Variants in GALNT10 observed in about 807,000 individuals in gnomAD.
The protein encoded by GALNT10 is polypeptide N-acetylgalactosaminyltransferase 10, also known as GalNAc transferase 10.
In GALNT10, 41 loss-of-function variants were observed where a neutral mutation model predicts 75.0. That is an observed-to-expected ratio of 0.55 (90% CI 0.43 to 0.71). The LOEUF (loss-of-function observed/expected upper bound fraction) is 0.71, where lower values mean the gene tolerates loss of function less well. Among genes scored for constraint, GALNT10 ranks in the 30% least tolerant of loss-of-function variants. The pLI, the probability that GALNT10 is intolerant of heterozygous loss-of-function variation, is 0.00. For missense variants in GALNT10, 727 were observed against 818.5 expected (o/e 0.89, Z 1.36); for synonymous variants, 302 against 313.0 (o/e 0.96, Z 0.37).
At chr5:154,218,732 G>C (rs4958716) in intron 1 of GALNT10, among the ~76,000 whole-genome samples, 55,139 of 151,846 alleles carry the variant, frequency 0.36, 12,033 homozygotes, top group East Asian at 0.84. Context: ...ATTGGGGGGA[G>C]AGGGTGTAGA....
At chr5:154,353,110 C>A (rs944092599) in intron 4 of GALNT10, among the ~76,000 whole-genome samples, 3 of 152,114 alleles carry the variant, frequency 2.0e-5, no homozygotes, top group African/African-American at 7.2e-5. Context: ...TTCCTCCACA[C>A]GGATTGCTGT....
intron 1 of GALNT10, among the ~76,000 whole-genome samples, chr5:154,268,213 G>A (rs1331565689): frequency 1.3e-5 from 2 of 152,142 alleles, no homozygotes; most frequent in Non-Finnish European, 2.9e-5. Context: ...GTCCCTACCC[G>A]TGAAGAGTTC....
chr5:154,275,457 T>C (rs1753935682), intron 1 of GALNT10, among the ~76,000 whole-genome samples: 1 of 152,240 alleles, frequency 6.6e-6, no homozygotes, highest in Admixed American at 6.5e-5. Flanking sequence ...GTGAATTGCA[T>C]GTGACACAAG....
intron 1 of GALNT10, among the ~76,000 whole-genome samples, chr5:154,202,435 C>T (rs374424986): frequency 1.3e-5 from 2 of 152,196 alleles, no homozygotes; most frequent in African/African-American, 4.8e-5. Context: ...GCTCTTACTG[C>T]GTGCTATGCA....
In GALNT10 at chr5:154,412,039, G is replaced by T; in HGVS notation, c.1387-850G>T. ...TTCAACATCTCGCAAGAGTGGGTCT[G>T]CCTCACCCATTGGCTGGGATCCATC... On this transcript the variant is annotated intron_variant, in intron 9 of 11. Transcript: ENST00000297107. The surrounding 1 kb of genome is among the most constrained non-coding windows in gnomAD (Gnocchi z 4.2). Among the ~76,000 whole-genome samples the T allele has an allele frequency of 6.6e-6, 1 of 152,188 alleles. No individual in the cohort carries two copies. Among genetic ancestry groups the T allele is most frequent in the East Asian group, 1.9e-4 (1 of 5,190 alleles).
At chr5:154,350,197 A>G (rs1178893453) in intron 4 of GALNT10, among the ~76,000 whole-genome samples, 1 of 152,202 alleles carries the variant, frequency 6.6e-6, no homozygotes, top group Admixed American at 6.5e-5. Flanking sequence ...TTTAAAAAAA[A>G]AAAAATGTAG....
At chr5:154,408,263 C>T (rs1756324413) in intron 8 of GALNT10, among the ~76,000 whole-genome samples, 2 of 152,178 alleles carry the variant, frequency 1.3e-5, no homozygotes, top group South Asian at 4.1e-4. Context: ...GCTCCTAGAG[C>T]AATCCTTCAC....
rs1753453043 is a variant in GALNT10, at chr5:154,247,794, T to A, written c.160-47022T>A. ...TTGACTTCCTCTTTTCCTAATTGAA[T>A]ACCTTTATTTCTTTCTCCTGCCTGA... On this transcript the variant is annotated intron_variant, in intron 1 of 11. Coordinates refer to ENST00000297107, the MANE Select transcript of GALNT10 (RefSeq NM_198321.4). Among the ~76,000 whole-genome samples, 3 of 152,318 alleles carry A rather than the reference T, an allele frequency of 2.0e-5. No individual in the cohort carries two copies. In the South Asian group the frequency reaches 6.2e-4, roughly 32 times the overall value.
At chr5:154,260,170 A>G (rs1753681685) in intron 1 of GALNT10, among the ~76,000 whole-genome samples, 1 of 152,188 alleles carries the variant, frequency 6.6e-6, no homozygotes, top group African/African-American at 2.4e-5. Flanking sequence ...TCTGAGAAGC[A>G]TATATTCTTT....
chr5:154,291,448 A>G (rs1376700845), intron 1 of GALNT10, among the ~76,000 whole-genome samples: 1 of 152,200 alleles, frequency 6.6e-6, no homozygotes, highest in Non-Finnish European at 1.5e-5. Context: ...CAGCATTAAC[A>G]AGATCCATGC....
chr5:154,280,440 G>A (rs1331881177), intron 1 of GALNT10, among the ~76,000 whole-genome samples: 1 of 152,234 alleles, frequency 6.6e-6, no homozygotes, highest in Admixed American at 6.5e-5. Flanking sequence ...AAGTGATCAA[G>A]GTTTGAGGTG....
At chr5:154,222,377 AT>A (rs1440673482) in intron 1 of GALNT10, among the ~76,000 whole-genome samples, 2 of 152,124 alleles carry the variant, frequency 1.3e-5, no homozygotes, top group African/African-American at 4.8e-5. Context: ...GTTGATGGAC[AT>A]TTGGATTGTT....
At chr5:154,229,590 G>A (rs891452102) in intron 1 of GALNT10, among the ~76,000 whole-genome samples, 11 of 152,184 alleles carry the variant, frequency 7.2e-5, no homozygotes, top group Non-Finnish European at 1.2e-4. Context: ...AAAATTCGCC[G>A]GGCATGGTGG....
At position 154,278,762 on chromosome 5, in the gene GALNT10, A is replaced by G. The variant is rs190128482; in HGVS notation, c.160-16054A>G. ...ACTTTCTGTCTTTATGAGTTTGCCT[A>G]TTCTAGGTACCTCATATAAGTGGAA... On this transcript the variant is annotated intron_variant, in intron 1 of 11. Coordinates refer to ENST00000297107, the MANE Select transcript of GALNT10 (RefSeq NM_198321.4). Among the ~76,000 whole-genome samples, 66 of 152,264 alleles carry G rather than the reference A, an allele frequency of 4.3e-4. 1 individual carries two copies. Among genetic ancestry groups the G allele is most frequent in the Middle Eastern group, 3.4e-3 (1 of 294 alleles).
At chr5:154,279,275 T>TTTG (rs143621696) in intron 1 of GALNT10, among the ~76,000 whole-genome samples, 6,053 of 146,222 alleles carry the variant, frequency 0.041, 158 homozygotes, top group Middle Eastern at 0.13. Flanking sequence ...AATGCTAGTT[T>TTTG]TTGTTGTTGT....
Position 154,380,701 on chromosome 5 carries a change from G to A in GALNT10, c.938+70G>A. 2.8e-6 allele frequency: 3 copies of A among 1,084,656 alleles called. No individual in the cohort carries two copies. The Admixed American group carries it at 6.7e-5, about 24-fold the overall frequency. 67.2% of individuals were successfully genotyped at this position (1,084,656 alleles called of 1,614,324 possible). ...CCACTCCCAACACGCACACAACTCA[G>A]GATCGCCATCTCCCTTAAAAGCCCA... On this transcript the variant is annotated intron_variant, in intron 6 of 11. Coordinates refer to ENST00000297107, the MANE Select transcript of GALNT10 (RefSeq NM_198321.4).
At chr5:154,224,067 A>G (rs918156739) in intron 1 of GALNT10, among the ~76,000 whole-genome samples, 2 of 152,218 alleles carry the variant, frequency 1.3e-5, no homozygotes, top group Non-Finnish European at 2.9e-5. Flanking sequence ...GGCGATTAAA[A>G]TCTATTCTCA....
At chr5:154,403,443 G>A (rs893168974) in intron 7 of GALNT10, among the ~76,000 whole-genome samples, 2 of 152,226 alleles carry the variant, frequency 1.3e-5, no homozygotes, top group African/African-American at 4.8e-5. Context: ...ATCCCACACT[G>A]CGGCAAGACC....
At chr5:154,360,452 A>G (rs79284400) in intron 4 of GALNT10, among the ~76,000 whole-genome samples, 5 of 1,404 alleles carry the variant, frequency 3.6e-3, no homozygotes, top group Non-Finnish European at 5.9e-3. Context: ...ACTCCATCTA[A>G]AAAAAAAAAA....
Sources: allele counts gnomAD v4.1 joint callset (sites outside exome capture counted in the v4.1 genomes callset), GRCh38; gene constraint gnomAD v4.1.1; non-coding constraint Gnocchi (gnomAD v3.1); transcripts MANE v1.5; gene names NCBI Gene and HGNC (gene_info 2026-07-23, HGNC 2026-07-21).